Variants in COL5A2 observed in about 807,000 individuals in gnomAD.
COL5A2 encodes collagen type V alpha 2 chain, also known as collagen alpha-2(V) chain.
A neutral mutation model predicts 208.2 loss-of-function variants in COL5A2; 23 were observed. The ratio of observed to expected loss-of-function variants is 0.11; its 90% CI spans 0.08 to 0.16. COL5A2 has a LOEUF of 0.16. COL5A2 is among the 10% of genes least tolerant of loss of function. The probability of loss-of-function intolerance (pLI) is 1.00; values close to 1 mark genes in which losing one functional copy is unlikely to be tolerated. For missense variants in COL5A2, 1,590 were observed against 1,956.4 expected, an observed-to-expected ratio of 0.81 and a Z score of 3.53; for synonymous variants, 625 against 628.5, an observed-to-expected ratio of 0.99 and a Z score of 0.08.
chr2:189,145,190 T>C (rs544709136), intron 1 of COL5A2, among the ~76,000 whole-genome samples: 85 of 152,240 alleles, frequency 5.6e-4, no homozygotes, highest in African/African-American at 2.0e-3. Flanking sequence ...GAAGGATTCT[T>C]GCACTTAGAA....
chr2:189,279,966 C>T, the COL5A2 span, among the ~76,000 whole-genome samples: 1 of 152,002 alleles, frequency 6.6e-6, no homozygotes, highest in Non-Finnish European at 1.5e-5. Flanking sequence ...GTGGAGCCCT[C>T]ATGAATAAAA....
At chr2:189,117,353 CA>C in intron 1 of COL5A2, among the ~76,000 whole-genome samples, 1 of 152,256 alleles carries the variant, frequency 6.6e-6, no homozygotes, top group Middle Eastern at 3.4e-3. Flanking sequence ...CTAGAAATTT[CA>C]GCAGTAATTT....
chr2:189,104,234 G>A, intron 3 of COL5A2, 30 bp downstream of exon 3: 1 of 1,476,400 alleles, frequency 6.8e-7, no homozygotes, highest in East Asian at 2.3e-5. Context: ...GTCTGCTTAT[G>A]AAAAAGAAAA....
chr2:189,065,822 C>A (rs1240465598), intron 23 of COL5A2, among the ~76,000 whole-genome samples: 3 of 152,318 alleles, frequency 2.0e-5, no homozygotes, highest in African/African-American at 7.2e-5. Context: ...GCCCTCCCAG[C>A]TTTGCATTTG....
chr2:189,246,151 A>G, the COL5A2 span, among the ~76,000 whole-genome samples: 1 of 152,230 alleles, frequency 6.6e-6, no homozygotes, highest in East Asian at 1.9e-4. Flanking sequence ...TGTAATGTGG[A>G]ACTTTCCAAT....
the COL5A2 span, among the ~76,000 whole-genome samples, chr2:189,290,083 T>C: frequency 2.0e-5 from 3 of 152,194 alleles, no homozygotes; most frequent in Non-Finnish European, 2.9e-5. Flanking sequence ...CAAAATATAC[T>C]ACAAAGCTAT....
intron 1 of COL5A2, among the ~76,000 whole-genome samples, chr2:189,195,429 C>T (rs1240524740): frequency 1.3e-5 from 2 of 152,242 alleles, no homozygotes; most frequent in South Asian, 2.1e-4. Context: ...CATCAAACTA[C>T]GATTGACATT....
chr2:189,152,129 A>T (rs1688154781), intron 1 of COL5A2, among the ~76,000 whole-genome samples: 1 of 152,190 alleles, frequency 6.6e-6, no homozygotes, highest in South Asian at 2.1e-4. Context: ...ACATGATTTC[A>T]TTCAATCCTT....
intron 1 of COL5A2, among the ~76,000 whole-genome samples, chr2:189,214,047 G>T (rs1267958917): frequency 6.6e-6 from 1 of 151,806 alleles, no homozygotes; most frequent in Non-Finnish European, 1.5e-5. Flanking sequence ...TAAGATGTGG[G>T]GTAAAAGACA....
chr2:189,206,408 T>C (rs1197947258), intron 1 of COL5A2, among the ~76,000 whole-genome samples: 2 of 152,180 alleles, frequency 1.3e-5, no homozygotes, highest in Non-Finnish European at 2.9e-5. Context: ...CACATATGCT[T>C]TCATGCTACA....
chr2:189,249,828 C>T, the COL5A2 span, among the ~76,000 whole-genome samples: 9 of 152,152 alleles, frequency 5.9e-5, no homozygotes, highest in African/African-American at 2.2e-4. Context: ...TCCCAAGTAG[C>T]TGGCATTATA....
chr2:189,185,740 G>A (rs1200269767), intron 1 of COL5A2, among the ~76,000 whole-genome samples: 2 of 152,184 alleles, frequency 1.3e-5, no homozygotes, highest in Non-Finnish European at 2.9e-5. Flanking sequence ...TAAAGGCATT[G>A]TTGGGTCATT....
chr2:189,180,172 C>G (rs1284174253), upstream of COL5A2, among the ~76,000 whole-genome samples: 1 of 152,058 alleles, frequency 6.6e-6, no homozygotes, highest in African/African-American at 2.4e-5. Flanking sequence ...TCAAGACTCT[C>G]TTCTCCACCT....
the COL5A2 span, among the ~76,000 whole-genome samples, chr2:189,386,709 A>G: frequency 6.6e-6 from 1 of 152,206 alleles, no homozygotes; most frequent in Non-Finnish European, 1.5e-5. Context: ...GTGGCCAACA[A>G]ACATATGAAA....
chr2:189,399,670 TTTG>T, the COL5A2 span, among the ~76,000 whole-genome samples: 1 of 152,128 alleles, frequency 6.6e-6, no homozygotes, highest in Non-Finnish European at 1.5e-5. Flanking sequence ...TTCCATTGTT[TTTG>T]TTGTTGTTGT....
chr2:189,035,306 G>T, intron 52 of COL5A2, 151 bp from the exon 53 acceptor site: 1 of 1,026,372 alleles, frequency 9.7e-7, no homozygotes, highest in Admixed American at 2.3e-5. Context: ...TATTCTAGCT[G>T]TACATCTAAA....
intron 1 of COL5A2, among the ~76,000 whole-genome samples, chr2:189,140,419 C>A (rs1170335711): frequency 1.3e-5 from 2 of 152,056 alleles, no homozygotes; most frequent in Non-Finnish European, 2.9e-5. Context: ...ACATTTTAAA[C>A]CTGGAGGCAC....
the COL5A2 span, among the ~76,000 whole-genome samples, chr2:189,410,835 T>C: frequency 6.6e-6 from 1 of 152,172 alleles, no homozygotes; most frequent in Non-Finnish European, 1.5e-5. Context: ...ACATTAAGAA[T>C]AACTAAATTT....
the COL5A2 span, among the ~76,000 whole-genome samples, chr2:189,437,666 G>A: frequency 6.6e-6 from 1 of 152,146 alleles, no homozygotes; most frequent in African/African-American, 2.4e-5. Context: ...GAGAGAAAGT[G>A]CAGAATGAAA....
Sources: gnomAD v4.1 joint callset for allele counts (sites outside exome capture counted in the v4.1 genomes callset) on GRCh38, gnomAD v4.1.1 for gene constraint, MANE v1.5 for transcripts, NCBI Gene and HGNC (gene_info 2026-07-23, HGNC 2026-07-21) for gene names.